CCDC57: variants seen among roughly 807,000 people sequenced by gnomAD.
CCDC57 encodes coiled-coil domain containing 57.
A neutral mutation model predicts 118.9 loss-of-function variants in CCDC57; 118 were observed. The observed-to-expected ratio is 0.99, with a 90% CI of 0.86 to 1.16. The LOEUF is 1.16. CCDC57 is among the 50% of genes most tolerant of loss of function. The pLI, the probability that CCDC57 is intolerant of heterozygous loss-of-function variation, is 0.00. For missense variants in CCDC57, 1,300 were observed against 1,320.7 expected (o/e 0.98, Z 0.24); for synonymous variants, 527 against 532.9 (o/e 0.99, Z 0.15).
intron 13 of CCDC57, among the ~76,000 whole-genome samples, chr17:82,170,686 A>C (rs1019112530): frequency 6.6e-6 from 1 of 152,070 alleles, no homozygotes; most frequent in Non-Finnish European, 1.5e-5. Context: ...TCTGACATCC[A>C]GACTCCAGAA....
intron 16 of CCDC57, chr17:82,145,937 C>G (rs560691171): frequency 4.1e-5 from 14 of 340,236 alleles, no homozygotes; most frequent in South Asian, 2.8e-4. Flanking sequence ...CACCTCCCCC[C>G]ACAGCCATCT....
At chr17:82,210,448 G>A (rs2050089280) in intron 1 of CCDC57, among the ~76,000 whole-genome samples, 1 of 151,420 alleles carries the variant, frequency 6.6e-6, no homozygotes, top group Non-Finnish European at 1.5e-5. Context: ...AAGGCGGGCG[G>A]ATCACTTGGG....
rs1204575864 is a variant in CCDC57 at position 82,192,989 on chromosome 17, C to T, written c.851+767G>A. Among the ~76,000 whole-genome samples, 3 of 152,170 alleles carry T rather than the reference C, an allele frequency of 2.0e-5. No individual in the cohort carries two copies. The highest frequency in any genetic ancestry group is 2.9e-5 in the Non-Finnish European group (2 of 68,026). On this transcript the variant is annotated intron_variant, in intron 7 of 19. Coordinates refer to ENST00000665763, the Ensembl canonical transcript of CCDC57. This position sits in a 1 kb window ranked among gnomAD's most constrained non-coding sequence, Gnocchi z 4.0. Reference sequence around the variant, plus strand: ...CTGACCTCAAGTGATCCACCCACCTCGGCCTCCCAACATTCTGGGATTACA... The same window carrying T: ...CTGACCTCAAGTGATCCACCCACCTTGGCCTCCCAACATTCTGGGATTACA...
chr17:82,148,893 T>TAGAC (rs1282229065), intron 16 of CCDC57, among the ~76,000 whole-genome samples: 2,797 of 11,760 alleles, frequency 0.24, no homozygotes, highest in Non-Finnish European at 0.26. Flanking sequence ...GTTGGATGGT[T>TAGAC]GGATGGATGG....
chr17:82,171,914 T>C (rs2044792704), intron 12 of CCDC57, 61 bp from the exon 12 acceptor site: 18 of 1,563,042 alleles, frequency 1.2e-5, no homozygotes, highest in Non-Finnish European at 1.6e-5. Flanking sequence ...ACCTCCCTCC[T>C]GTGAGCACCA....
intron 1 of CCDC57, among the ~76,000 whole-genome samples, chr17:82,210,759 C>T (rs887425008): frequency 6.6e-6 from 1 of 150,630 alleles, no homozygotes; most frequent in South Asian, 2.1e-4. Context: ...CTTTGGGAGG[C>T]CAAGGTGGTG....
At chr17:82,177,770 TG>T (rs1400310828) in intron 11 of CCDC57, among the ~76,000 whole-genome samples, 2 of 151,992 alleles carry the variant, frequency 1.3e-5, no homozygotes, top group Non-Finnish European at 2.9e-5. Context: ...CTTGTTGGGG[TG>T]GGGGTGCTTG....
chr17:82,166,507 C>CCCA (rs2044004798), intron 13 of CCDC57, among the ~76,000 whole-genome samples: 5 of 151,386 alleles, frequency 3.3e-5, no homozygotes, highest in Admixed American at 1.3e-4. Flanking sequence ...AGATCGAGAC[C>CCCA]CTGTCTCTAA....
At chr17:82,127,224 C>A in intron 19 of CCDC57, 2 of 985,438 alleles carry the variant, frequency 2.0e-6, no homozygotes, top group South Asian at 9.4e-5. Flanking sequence ...ACTTGTCTGG[C>A]CCGTGAGGCT....
At chr17:82,182,718 C>T (rs1252464782) in intron 9 of CCDC57, among the ~76,000 whole-genome samples, 1 of 151,722 alleles carries the variant, frequency 6.6e-6, no homozygotes, top group African/African-American at 2.4e-5. Context: ...CAGAATCTCA[C>T]TCTGCTGCCC....
At chr17:82,191,024 C>T (rs568757074) in intron 7 of CCDC57, among the ~76,000 whole-genome samples, 2 of 151,938 alleles carry the variant, frequency 1.3e-5, no homozygotes, top group South Asian at 4.2e-4. Flanking sequence ...ATGAAGAAAG[C>T]TGTGTCTAGA....
chr17:82,161,644 AAGGACAACTACCAT>A (rs1455752098), intron 14 of CCDC57, among the ~76,000 whole-genome samples: 1 of 152,174 alleles, frequency 6.6e-6, no homozygotes. Flanking sequence ...CCGGGCACAA[AAGGACAACTACCAT>A]AGGACTGTGT....
intron 16 of CCDC57, among the ~76,000 whole-genome samples, chr17:82,145,168 G>A (rs1201107555): frequency 6.0e-5 from 9 of 150,956 alleles, no homozygotes; most frequent in African/African-American, 1.9e-4. Flanking sequence ...TTACAGGCAC[G>A]TGCCCCAACA....
intron 17 of CCDC57, among the ~76,000 whole-genome samples, chr17:82,132,135 A>AGTTTTTGGGTTCTGGGTG: frequency 1.4e-5 from 2 of 138,984 alleles, no homozygotes; most frequent in Admixed American, 7.5e-5. Flanking sequence ...AAAAAAAAAA[A>AGTTTTTGGGTTCTGGGTG]AAAGAATAAA....
chr17:82,113,381 A>G (rs1176002854), intron 19 of CCDC57: 24 of 717,350 alleles, frequency 3.3e-5, no homozygotes, highest in Admixed American at 8.0e-5. Flanking sequence ...TCTCTCAGTC[A>G]CAGCTTGTCC....
rs2044752921 is a variant in CCDC57, at chr17:82,171,649, A to T, written c.1882+52T>A. Reference sequence around the variant, plus strand: ...CTATGAGCGGACTTTTGCAGGGGTCAGATTTCAGTTTATAAGGGGACAGCA... The same window carrying T: ...CTATGAGCGGACTTTTGCAGGGGTCTGATTTCAGTTTATAAGGGGACAGCA... On this transcript the variant is annotated intron_variant, in intron 13 of 19. Transcript: ENST00000665763. 7.0e-6 allele frequency: 11 copies of T among 1,578,714 alleles called. No individual in the cohort carries two copies. The South Asian group carries it at 1.1e-4, about 16-fold the overall frequency.
At chr17:82,123,853 AG>A (rs2037063305) in intron 19 of CCDC57, among the ~76,000 whole-genome samples, 1 of 152,310 alleles carries the variant, frequency 6.6e-6, no homozygotes, top group South Asian at 2.1e-4. Flanking sequence ...ACATGGTTAA[AG>A]CAAAGCAACG....
At chr17:82,184,025 G>GCGCGCGCGCA in intron 8 of CCDC57, 93 bp from the exon 8 acceptor site, 2 of 387,906 alleles carry the variant, frequency 5.2e-6, no homozygotes, top group Non-Finnish European at 9.4e-6. Flanking sequence ...ATGCGCGCGC[G>GCGCGCGCGCA]CGCGCGCACA....
intron 14 of CCDC57, among the ~76,000 whole-genome samples, chr17:82,158,186 A>T (rs1200073371): frequency 6.6e-6 from 1 of 152,144 alleles, no homozygotes; most frequent in Non-Finnish European, 1.5e-5. Flanking sequence ...CTGGACTCCT[A>T]GGCTGGTGGG....
Sources: allele counts gnomAD v4.1 joint callset (sites outside exome capture counted in the v4.1 genomes callset), GRCh38; gene constraint gnomAD v4.1.1; non-coding constraint Gnocchi (gnomAD v3.1); transcripts MANE v1.5; gene names NCBI Gene and HGNC (gene_info 2026-07-23, HGNC 2026-07-21).